FSTL4: variants seen among roughly 807,000 people sequenced by gnomAD.
The protein encoded by FSTL4 is follistatin like 4, also known as follistatin-related protein 4.
In FSTL4, 28 loss-of-function variants were observed where a neutral mutation model predicts 78.2. The ratio of observed to expected loss-of-function variants is 0.36; its 90% CI spans 0.27 to 0.49. The LOEUF is 0.49. FSTL4 is among the 20% of genes least tolerant of loss of function. FSTL4 has a pLI of 0.98. For synonymous variants in FSTL4, 422 were observed against 440.5 expected (o/e 0.96, Z 0.53); for missense variants, 922 against 1,084.9 (o/e 0.85, Z 2.11).
chr5:133,324,480 C>T (rs1022935518), intron 4 of FSTL4, among the ~76,000 whole-genome samples: 2 of 152,244 alleles, frequency 1.3e-5, no homozygotes, highest in African/African-American at 4.8e-5. Flanking sequence ...CAGCCTCCCT[C>T]GCCTAACACA....
the FSTL4 span, among the ~76,000 whole-genome samples, chr5:133,758,851 C>G: frequency 3.9e-5 from 6 of 152,168 alleles, no homozygotes; most frequent in African/African-American, 1.4e-4. Flanking sequence ...GAAGGTGTGG[C>G]TGGCTGGCAA....
intron 6 of FSTL4, among the ~76,000 whole-genome samples, chr5:133,302,899 G>A (rs916967755): frequency 6.6e-6 from 1 of 152,176 alleles, no homozygotes; most frequent in Non-Finnish European, 1.5e-5. Flanking sequence ...CTTTAATCCT[G>A]GTGACAAATG....
chr5:133,637,955 T>TTAA, the FSTL4 span, among the ~76,000 whole-genome samples: 830 of 147,900 alleles, frequency 5.6e-3, 8 homozygotes, highest in African/African-American at 0.018. Flanking sequence ...ATAATAATAA[T>TTAA]TAATAATAAT....
At chr5:133,442,542 G>C (rs762418954) in intron 3 of FSTL4, among the ~76,000 whole-genome samples, 3 of 152,064 alleles carry the variant, frequency 2.0e-5, no homozygotes, top group Non-Finnish European at 4.4e-5. Context: ...TTTTTGACCA[G>C]AGTCAATAAA....
chr5:133,542,271 T>C (rs978019753), intron 3 of FSTL4, among the ~76,000 whole-genome samples: 1 of 152,222 alleles, frequency 6.6e-6, no homozygotes, highest in Non-Finnish European at 1.5e-5. Flanking sequence ...CTTAAAATTG[T>C]TCTGTGGTGA....
At chr5:133,741,752 G>A in the FSTL4 span, among the ~76,000 whole-genome samples, 1 of 152,172 alleles carries the variant, frequency 6.6e-6, no homozygotes, top group South Asian at 2.1e-4. Context: ...CACTTCCTTT[G>A]TCCACAGGCC....
At position 133,273,411 on chromosome 5, in the gene FSTL4, C is replaced by A. The variant is rs559958488; in HGVS notation, c.728-23835G>T. Among the ~76,000 whole-genome samples, 3 of 152,310 alleles carry A rather than the reference C, an allele frequency of 2.0e-5. No individual in the cohort carries two copies. The East Asian group carries it at 5.8e-4, about 29-fold the overall frequency. The stretch of plus-strand genomic sequence containing the variant: ...CACATACCTAGGACTTGTAACATAG[C>A]CATGTTGGAGACTTAGCTCTAGAGT... On this transcript the variant is annotated intron_variant, in intron 6 of 15. Coordinates refer to ENST00000265342, the MANE Select transcript of FSTL4 (RefSeq NM_015082.2).
In FSTL4 at chr5:133,230,516, G is replaced by A. The variant is rs578033798; in HGVS notation, c.1015+2901C>T. ...AGACACCTGGGTCTCCATTAGCAGG[G>A]GCAAAAAGATGGCTCACATGTGCTT... On this transcript the variant is annotated intron_variant, in intron 8 of 15. Transcript: ENST00000265342. 2.6e-5 allele frequency among the ~76,000 whole-genome samples: 4 copies of A among 152,266 alleles called. No individual in the cohort carries two copies. The East Asian group carries it at 7.7e-4, about 29-fold the overall frequency.
chr5:133,798,040 C>T, the FSTL4 span, among the ~76,000 whole-genome samples: 3 of 152,168 alleles, frequency 2.0e-5, no homozygotes, highest in Non-Finnish European at 4.4e-5. Flanking sequence ...TTCCTTCACA[C>T]AAGAGTCCAG....
At chr5:133,385,833 G>A (rs541278020) in intron 4 of FSTL4, among the ~76,000 whole-genome samples, 18 of 152,292 alleles carry the variant, frequency 1.2e-4, no homozygotes, top group Admixed American at 3.9e-4. Flanking sequence ...AACAACACGG[G>A]CACATGTCAG....
intron 8 of FSTL4, among the ~76,000 whole-genome samples, chr5:133,228,254 G>T: frequency 6.6e-6 from 1 of 152,044 alleles, no homozygotes; most frequent in East Asian, 1.9e-4. Flanking sequence ...ATAAAAAAAA[G>T]GAAACTTGGA....
chr5:133,671,424 TA>T, the FSTL4 span, among the ~76,000 whole-genome samples: 60,587 of 151,742 alleles, frequency 0.4, 12,216 homozygotes, highest in Middle Eastern at 0.57. Flanking sequence ...CCTTATTTTG[TA>T]GGTAAAACTA....
intron 3 of FSTL4, among the ~76,000 whole-genome samples, chr5:133,512,422 G>A (rs1203380132): frequency 6.6e-6 from 1 of 152,182 alleles, no homozygotes; most frequent in Non-Finnish European, 1.5e-5. Context: ...CAAATAGATT[G>A]GAGATTTGGA....
intron 1 of FSTL4, among the ~76,000 whole-genome samples, chr5:133,607,688 T>C (rs1006213500): frequency 6.6e-6 from 1 of 152,146 alleles, no homozygotes; most frequent in African/African-American, 2.4e-5. Context: ...ATGGGGAAAA[T>C]CTAGAGACAG....
chr5:133,431,483 C>G (rs1463808706), intron 3 of FSTL4, among the ~76,000 whole-genome samples: 2 of 152,120 alleles, frequency 1.3e-5, no homozygotes, highest in South Asian at 4.1e-4. Flanking sequence ...CAGGAGAGAC[C>G]GGGAGGAGAT....
chr5:133,468,743 C>T (rs970258908), intron 3 of FSTL4, among the ~76,000 whole-genome samples: 1 of 152,178 alleles, frequency 6.6e-6, no homozygotes, highest in Non-Finnish European at 1.5e-5. Context: ...GTGCTGCAAC[C>T]TCTGCCAAGG....
chr5:133,541,136 C>T (rs1489481967), intron 3 of FSTL4, among the ~76,000 whole-genome samples: 1 of 152,210 alleles, frequency 6.6e-6, no homozygotes. Flanking sequence ...AGAATTGCCA[C>T]AAAACGTAGT....
At chr5:133,261,284 T>A (rs1433201418) in intron 6 of FSTL4, among the ~76,000 whole-genome samples, 1 of 152,070 alleles carries the variant, frequency 6.6e-6, no homozygotes, top group African/African-American at 2.4e-5. Context: ...TTGATGCCCG[T>A]CGGGGTTACT....
the FSTL4 span, among the ~76,000 whole-genome samples, chr5:133,640,589 G>A: frequency 6.6e-6 from 1 of 152,200 alleles, no homozygotes; most frequent in African/African-American, 2.4e-5. Flanking sequence ...AATGTGGAGT[G>A]CTGGCCTGAT....
Sources: allele counts gnomAD v4.1 joint callset (sites outside exome capture counted in the v4.1 genomes callset), GRCh38; gene constraint gnomAD v4.1.1; transcripts MANE v1.5; gene names NCBI Gene and HGNC (gene_info 2026-07-23, HGNC 2026-07-21).